IER5: variants seen among roughly 807,000 people sequenced by gnomAD.
IER5 encodes immediate early response 5, also known as immediate early response gene 5 protein.
In IER5, 3 loss-of-function variants were observed where a neutral mutation model predicts 8.2. The ratio of observed to expected loss-of-function variants is 0.36; its 90% CI spans 0.17 to 0.94. IER5 has a LOEUF of 0.94. Among genes scored for constraint, IER5 ranks in the 40% least tolerant of loss-of-function variants. The pLI is 0.43. For synonymous variants in IER5, 286 were observed against 230.1 expected (o/e 1.24, Z -2.20); for missense variants, 531 against 494.3 (o/e 1.07, Z -0.70).
In IER5 at chr1:181,090,744, A is replaced by C. The variant is rs549452649; in HGVS notation, c.*858A>C. ...TGTATAAAGGTTGGGGGAGCTGATA[A>C]GGTTTTTGTACAGTATTTTCTCCTT... On this transcript the variant is annotated 3_prime_UTR_variant, in exon 1 of 1. Transcript: ENST00000367577. 1 of 167,064 alleles carries C rather than the reference A, an allele frequency of 6.0e-6. No individual in the cohort carries two copies. Among genetic ancestry groups the C allele is most frequent in the African/African-American group, 2.4e-5 (1 of 41,580 alleles). 10.3% of individuals were successfully genotyped at this position (167,064 alleles called of 1,614,324 possible).
Position 181,089,210 on chromosome 1 carries a change from A to C in IER5, c.308A>C (p.Glu103Ala). Residue 103 changes from glutamate to alanine, a missense_variant, in exon 1 of 1, where the codon GAG (glutamate) becomes GCG (alanine). By Grantham distance (107) the Glu-to-Ala change is moderately radical (BLOSUM62 -1). Transcript: ENST00000367577. ...TGGCCGGAGACCGAGCCGCAGCCGG[A>C]GCGCTCCTCCGTCTCAGACGCGCCG... Reference protein sequence around the residue: ...ASWPETEPQPERSSVSDAPRV... With the variant: ...ASWPETEPQPARSSVSDAPRV... 1 of 1,536,826 alleles carries C rather than the reference A, an allele frequency of 6.5e-7. No homozygotes were observed. The highest frequency in any genetic ancestry group is 8.7e-7 in the Non-Finnish European group (1 of 1,143,642).
At position 181,092,494 on chromosome 1, in the gene IER5, T is replaced by C. The variant is rs1268446609; in HGVS notation, c.*2608T>C. On this transcript the variant is annotated 3_prime_UTR_variant, in exon 1 of 1. Coordinates refer to ENST00000367577, the MANE Select transcript of IER5 (RefSeq NM_016545.5). Reference sequence around the variant, plus strand: ...TTAATTATAAAAAGTAAATATAAAGTGAGCTATGTTGACCAGGTTCGTCTT... The same window carrying C: ...TTAATTATAAAAAGTAAATATAAAGCGAGCTATGTTGACCAGGTTCGTCTT... The C allele has an allele frequency of 6.6e-6, 1 of 152,090 alleles. No individual in the cohort carries two copies. Among genetic ancestry groups the C allele is most frequent in the Non-Finnish European group, 1.5e-5 (1 of 68,034 alleles). 9.4% of individuals were successfully genotyped at this position (152,090 alleles called of 1,614,324 possible).
At position 181,088,785 on chromosome 1, in the gene IER5, T is replaced by G; in HGVS notation, c.-118T>G. On this transcript the variant is annotated 5_prime_UTR_variant, in exon 1 of 1. Transcript: ENST00000367577. Reference sequence around the variant, plus strand: ...GCGCGCGTCACCAGAGTCGTTTCTCTTCGGAGTCTTAGGTGATCGAGGGTG... The same window carrying G: ...GCGCGCGTCACCAGAGTCGTTTCTCGTCGGAGTCTTAGGTGATCGAGGGTG... 1.9e-5 allele frequency: 11 copies of G among 567,762 alleles called. No homozygotes were observed. The highest frequency in any genetic ancestry group is 2.7e-5 in the Non-Finnish European group (9 of 330,832). 35.2% of individuals were successfully genotyped at this position (567,762 alleles called of 1,614,324 possible).
At position 181,089,690 on chromosome 1, in the gene IER5, C is replaced by T; in HGVS notation, c.788C>T (p.Thr263Ile). Residue 263 changes from threonine to isoleucine, a missense_variant, in exon 1 of 1, where the codon ACC becomes ATC. Transcript: ENST00000367577. Reference sequence around the variant, plus strand: ...GACGACGACGCGGAGGAGATGGAGACCGGGAACGTGGCTAACCTCATCAGC... The same window carrying T: ...GACGACGACGCGGAGGAGATGGAGATCGGGAACGTGGCTAACCTCATCAGC... The part of the protein sequence containing the change: ...GEDDDAEEME[T>I]GNVANLISIF... 1.9e-6 allele frequency: 3 copies of T among 1,613,532 alleles called. No homozygotes were observed. Among genetic ancestry groups the T allele is most frequent in the East Asian group, 2.2e-5 (1 of 44,880 alleles).
chr1:181,089,844 G>A lies in IER5; in HGVS notation c.942G>A (p.Leu314=), dbSNP rs757748834. The A allele has an allele frequency of 3.1e-6, 5 of 1,613,510 alleles. No homozygotes were observed. The highest frequency in any genetic ancestry group is 1.7e-6 in the Non-Finnish European group (2 of 1,179,906). The change falls in exon 1 of 1, where the codon CTG becomes CTA. Residue 314 remains leucine (L), a synonymous_variant. Transcript: ENST00000367577. ...PGQICCDKPV[L]RDMNPWSTAI... ...AGATCTGCTGCGATAAGCCGGTGCT[G>A]AGAGACATGAACCCCTGGAGCACAG... is the stretch of plus-strand genomic sequence containing the variant.
rs1659469701 is a variant in IER5, at chr1:181,091,307, A to G, written c.*1421A>G. ...TTACCTTAAAAGCCCATTCGAACTGACATAGGAAGATGAAAGAGACTGACT... is the reference window on the plus strand; with the variant it reads ...TTACCTTAAAAGCCCATTCGAACTGGCATAGGAAGATGAAAGAGACTGACT... On this transcript the variant is annotated 3_prime_UTR_variant, in exon 1 of 1. Transcript: ENST00000367577. The G allele has an allele frequency of 6.6e-6, 1 of 152,190 alleles. No homozygotes were observed. Among genetic ancestry groups the G allele is most frequent in the Non-Finnish European group, 1.5e-5 (1 of 68,038 alleles). 9.4% of individuals were successfully genotyped at this position (152,190 alleles called of 1,614,324 possible).
rs1371677656 is a variant in IER5 at position 181,092,081 on chromosome 1, A to G, written c.*2195A>G. 6.6e-6 allele frequency: 1 copy of G among 152,208 alleles called. No individual in the cohort carries two copies. Among genetic ancestry groups the G allele is most frequent in the Non-Finnish European group, 1.5e-5 (1 of 68,034 alleles). 9.4% of individuals were successfully genotyped at this position (152,208 alleles called of 1,614,324 possible). A position where few individuals can be genotyped will look rare whatever the true frequency, so the allele number is the denominator to read the frequency against. On this transcript the variant is annotated 3_prime_UTR_variant, in exon 1 of 1. Coordinates refer to ENST00000367577, the MANE Select transcript of IER5 (RefSeq NM_016545.5). ...GCTACTTAAATTCTGTTACAGCTAC[A>G]AAAGATCCATCAAGTGCTGACTGCT...
Position 181,089,687 on chromosome 1 carries a change from A to C in IER5, c.785A>C (p.Glu262Ala). The change falls in exon 1 of 1, where the codon GAG becomes GCG. Residue 262 changes from glutamate (E) to alanine (A), a missense_variant. Glu to Ala is a moderately radical substitution (Grantham distance 107, BLOSUM62 -1). Transcript: ENST00000367577. Reference protein sequence around the residue: ...GGEDDDAEEMETGNVANLISI... With the variant: ...GGEDDDAEEMATGNVANLISI... ...GAGGACGACGACGCGGAGGAGATGG[A>C]GACCGGGAACGTGGCTAACCTCATC... is the stretch of plus-strand genomic sequence containing the variant. The C allele has an allele frequency of 6.2e-7, 1 of 1,613,484 alleles. No homozygotes were observed. Among genetic ancestry groups the C allele is most frequent in the Non-Finnish European group, 8.5e-7 (1 of 1,179,972 alleles).
In IER5 at chr1:181,088,984, A is replaced by G. The variant is rs753583390; in HGVS notation, c.82A>G (p.Ile28Val). The change falls in exon 1 of 1, where the codon ATC (isoleucine) becomes GTC (valine). Residue 28 changes from isoleucine (I) to valine (V), a missense_variant. Physicochemically the swap from Ile to Val is conservative, Grantham distance 29 (BLOSUM62 3). Transcript: ENST00000367577. ...IYNSRVQRGG[I>V]KLHKNLLVSL... is the part of the protein sequence containing the mutation. ...CAACTCGCGGGTCCAGCGCGGCGGC[A>G]TCAAGCTGCATAAGAACCTCCTGGT... is the stretch of plus-strand genomic sequence containing the variant. 4 of 1,613,454 alleles carry G rather than the reference A, an allele frequency of 2.5e-6. No individual in the cohort carries two copies. The highest frequency in any genetic ancestry group is 1.3e-5 in the African/African-American group (1 of 74,952).
In IER5 at chr1:181,088,888, G is replaced by C. The variant is rs199911548; in HGVS notation, c.-15G>C. Reference sequence around the variant, plus strand: ...GTGTCACCCCGGCGCCGACGGCCCTGTGCAGGGGAAGCAGATGGAGTTCAA... The same window carrying C: ...GTGTCACCCCGGCGCCGACGGCCCTCTGCAGGGGAAGCAGATGGAGTTCAA... On this transcript the variant is annotated 5_prime_UTR_variant, in exon 1 of 1. Coordinates refer to ENST00000367577, the MANE Select transcript of IER5 (RefSeq NM_016545.5). 3 of 1,610,438 alleles carry C rather than the reference G, an allele frequency of 1.9e-6. No homozygotes were observed. The South Asian group carries it at 3.3e-5, about 18-fold the overall frequency.
chr1:181,088,862 C>G lies in IER5; in HGVS notation c.-41C>G. ...CTCCCGTTCCCTCCCAATTTCCAAA[C>G]GTGTCACCCCGGCGCCGACGGCCCT... On this transcript the variant is annotated 5_prime_UTR_variant, in exon 1 of 1. Coordinates refer to ENST00000367577, the MANE Select transcript of IER5 (RefSeq NM_016545.5). 1 of 1,426,646 alleles carries G rather than the reference C, an allele frequency of 7.0e-7. No individual in the cohort carries two copies. Among genetic ancestry groups the G allele is most frequent in the South Asian group, 1.1e-5 (1 of 88,358 alleles). 88.4% of individuals were successfully genotyped at this position (1,426,646 alleles called of 1,614,324 possible). A position where few individuals can be genotyped will look rare whatever the true frequency, so the allele number is the denominator to read the frequency against.
In IER5 at chr1:181,089,016, G is replaced by A; in HGVS notation, c.114G>A (p.Leu38=). Residue 38 remains leucine, a synonymous_variant, in exon 1 of 1, where the codon CTG becomes CTA. Transcript: ENST00000367577. ...TGCATAAGAACCTCCTGGTCTCGCT[G>A]GTGCTGCGCAGCGCCCGCCAAGTCT... ...IKLHKNLLVS[L]VLRSARQVYL... 1 of 1,612,400 alleles carries A rather than the reference G, an allele frequency of 6.2e-7. No homozygotes were observed. Among genetic ancestry groups the A allele is most frequent in the South Asian group, 1.1e-5 (1 of 91,018 alleles).
rs1017090550 is a variant in IER5, at chr1:181,088,727, A to G, written c.-176A>G. 3.6e-5 allele frequency: 21 copies of G among 582,392 alleles called. No individual in the cohort carries two copies. Among genetic ancestry groups the G allele is most frequent in the Middle Eastern group, 4.5e-4 (1 of 2,202 alleles). The allele number at this position is 582,392 out of a possible 1,614,324, so 36.1% of individuals were successfully genotyped here. On this transcript the variant is annotated 5_prime_UTR_variant, in exon 1 of 1. Transcript: ENST00000367577. Reference sequence around the variant, plus strand: ...TTAGCGACCGGACCCGAAACGGGGAAGTTGTCTTGTTTGGAGAGGTTAGTA... The same window carrying G: ...TTAGCGACCGGACCCGAAACGGGGAGGTTGTCTTGTTTGGAGAGGTTAGTA...
At position 181,091,124 on chromosome 1, in the gene IER5, C is replaced by G. The variant is rs1264785805; in HGVS notation, c.*1238C>G. ...AGGTCAGTTTAGACCAATTTGTCAC[C>G]CAATATGTGGGTGTCTAATACTAAG... On this transcript the variant is annotated 3_prime_UTR_variant, in exon 1 of 1. Transcript: ENST00000367577. 1.3e-5 allele frequency: 2 copies of G among 152,110 alleles called. No homozygotes were observed. Among genetic ancestry groups the G allele is most frequent in the Admixed American group, 6.5e-5 (1 of 15,272 alleles). The allele number at this position is 152,110 out of a possible 1,614,324, so 9.4% of individuals were successfully genotyped here. A position where few individuals can be genotyped will look rare whatever the true frequency, so the allele number is the denominator to read the frequency against.
In IER5 at chr1:181,089,340, G is replaced by A. The variant is rs1315265336; in HGVS notation, c.438G>A (p.Gly146=). 2.6e-6 allele frequency: 4 copies of A among 1,524,756 alleles called. No individual in the cohort carries two copies. The highest frequency in any genetic ancestry group is 4.2e-4 in the Middle Eastern group (2 of 4,808). 94.5% of individuals were successfully genotyped at this position (1,524,756 alleles called of 1,614,324 possible). The change falls in exon 1 of 1, where the codon GGG becomes GGA. Residue 146 remains glycine, a synonymous_variant. Coordinates refer to ENST00000367577, the MANE Select transcript of IER5 (RefSeq NM_016545.5). The part of the protein sequence containing the change: ...ATEAAWSRVE[G]PRQAAAREAE... ...AAGCTGCCTGGAGCCGCGTGGAGGG[G>A]CCGCGCCAGGCGGCGGCCAGAGAAG...
Position 181,089,429 on chromosome 1 carries a change from G to C in IER5, c.527G>C (p.Cys176Ser). 2 of 1,399,904 alleles carry C rather than the reference G, an allele frequency of 1.4e-6. No individual in the cohort carries two copies. Among genetic ancestry groups the C allele is most frequent in the Non-Finnish European group, 1.9e-6 (2 of 1,075,734 alleles). The allele number at this position is 1,399,904 out of a possible 1,614,324, so 86.7% of individuals were successfully genotyped here. A position where few individuals can be genotyped will look rare whatever the true frequency, so the allele number is the denominator to read the frequency against. The stretch of plus-strand genomic sequence containing the variant: ...GTATCTCGTGCCGCGCGCCGCCCCT[G>C]CGGCTGCCCCCTAGGCGGGGAGGAC... ...PEVSRAARRP[C>S]GCPLGGEDPP... is the part of the protein sequence containing the mutation. Residue 176 changes from cysteine (C) to serine (S), a missense_variant, in exon 1 of 1, where the codon TGC becomes TCC. Transcript: ENST00000367577.
chr1:181,090,878 G>A lies in IER5; in HGVS notation c.*992G>A, dbSNP rs1659461610. 1 of 152,544 alleles carries A rather than the reference G, an allele frequency of 6.6e-6. No individual in the cohort carries two copies. The highest frequency in any genetic ancestry group is 2.1e-4 in the South Asian group (1 of 4,830). The allele number at this position is 152,544 out of a possible 1,614,324, so 9.4% of individuals were successfully genotyped here. ...TGTCTGTAATAACCTGCCTGGGTTG[G>A]GAGGGAAGTGGGAGGAGGGAAACCA... On this transcript the variant is annotated 3_prime_UTR_variant, in exon 1 of 1. Coordinates refer to ENST00000367577, the MANE Select transcript of IER5 (RefSeq NM_016545.5).
chr1:181,089,442 A>AGGCG lies in IER5; in HGVS notation c.543_546dup (p.Glu183ArgfsTer87). 7.3e-7 allele frequency: 1 copy of AGGCG among 1,378,380 alleles called. No homozygotes were observed. Among genetic ancestry groups the AGGCG allele is most frequent in the Non-Finnish European group, 9.4e-7 (1 of 1,066,202 alleles). The allele number at this position is 1,378,380 out of a possible 1,614,324, so 85.4% of individuals were successfully genotyped here. A position where few individuals can be genotyped will look rare whatever the true frequency, so the allele number is the denominator to read the frequency against. On this transcript the variant is annotated frameshift_variant, in exon 1 of 1. Coordinates refer to ENST00000367577, the MANE Select transcript of IER5 (RefSeq NM_016545.5). LOFTEE classifies it high-confidence loss of function. ...CGCGCCGCCCCTGCGGCTGCCCCCT[A>AGGCG]GGCGGGGAGGACCCGCCGGGTACAC...
Position 181,089,256 on chromosome 1 carries a change from G to T in IER5, c.354G>T (p.Pro118=). 6.4e-7 allele frequency: 1 copy of T among 1,554,412 alleles called. No individual in the cohort carries two copies. Residue 118 remains proline (P), a synonymous_variant, in exon 1 of 1, where the codon CCG becomes CCT. Coordinates refer to ENST00000367577, the MANE Select transcript of IER5 (RefSeq NM_016545.5). ...SDAPRVGDEV[P]VATVTGVGDV... ...CGCCGCGGGTAGGGGACGAGGTGCC[G>T]GTGGCCACGGTGACTGGAGTCGGGG...
Sources: gnomAD v4.1 joint callset for allele counts on GRCh38, gnomAD v4.1.1 for gene constraint, MANE v1.5 for transcripts, NCBI Gene and HGNC (gene_info 2026-07-23, HGNC 2026-07-21) for gene names.